The following PCDH9 variants were observed in gnomAD, a reference collection of about 807,000 sequenced individuals.
PCDH9 encodes protocadherin-9.
In PCDH9, 24 loss-of-function variants were observed where a neutral mutation model predicts 70.6. The observed-to-expected ratio is 0.34, with a 90% confidence interval of 0.25 to 0.48. The LOEUF (loss-of-function observed/expected upper bound fraction) is 0.48, where lower values mean the gene tolerates loss of function less well. PCDH9 is among the 20% of genes least tolerant of loss of function. PCDH9 has a pLI of 0.99. For missense variants in PCDH9, 1,281 were observed against 1,503.6 expected, an observed-to-expected ratio of 0.85 and a Z score of 2.45; for synonymous variants, 562 against 558.5, an observed-to-expected ratio of 1.01 and a Z score of -0.09.
chr13:67,027,028 T>A (rs1432918277), intron 2 of PCDH9, among the ~76,000 whole-genome samples: 1 of 152,148 alleles, frequency 6.6e-6, no homozygotes, highest in African/African-American at 2.4e-5. Flanking sequence ...CCCATCAAGC[T>A]ACCAATGAGT....
At chr13:66,571,521 C>CTT in intron 4 of PCDH9, among the ~76,000 whole-genome samples, 1 of 148,350 alleles carries the variant, frequency 6.7e-6, no homozygotes, top group East Asian at 2.0e-4. Context: ...CACTAATGTT[C>CTT]TTTTTTTTTT....
chr13:67,034,431 G>C (rs541565057), intron 2 of PCDH9, among the ~76,000 whole-genome samples: 1 of 152,042 alleles, frequency 6.6e-6, no homozygotes, highest in African/African-American at 2.4e-5. Context: ...TCATGCCTAC[G>C]CCATTCATAC....
At position 67,228,057 on chromosome 13, in the gene PCDH9, T is replaced by G. The variant is rs760997936; in HGVS notation, c.384A>C (p.Ile128=). Reference sequence around the variant, plus strand: ...CATTGGTATCCTTGACAATTATTTTTATTTTGATCAGCCTGAAGAAATCAT... The same window carrying G: ...CATTGGTATCCTTGACAATTATTTTGATTTTGATCAGCCTGAAGAAATCAT... The part of the protein sequence containing the change: ...LPNDFFRLIK[I]KIIVKDTNDN... Residue 128 remains isoleucine, a synonymous_variant, in exon 2 of 5, where the codon ATA becomes ATC. Coordinates refer to ENST00000377865, the MANE Select transcript of PCDH9 (RefSeq NM_203487.3). The G allele has an allele frequency of 3.1e-6, 5 of 1,613,734 alleles. No homozygotes were observed. The highest frequency in any genetic ancestry group is 4.5e-5 in the East Asian group (2 of 44,882).
intron 2 of PCDH9, among the ~76,000 whole-genome samples, chr13:66,992,552 G>A (rs1213061944): frequency 2.6e-5 from 4 of 151,980 alleles, no homozygotes; most frequent in Non-Finnish European, 2.9e-5. Context: ...GTTGGAAGAC[G>A]AGCTCTTTTA....
intron 3 of PCDH9, among the ~76,000 whole-genome samples, chr13:66,634,415 A>G (rs2077611438): frequency 6.6e-6 from 1 of 152,186 alleles, no homozygotes; most frequent in African/African-American, 2.4e-5. Flanking sequence ...ACATGCAGAA[A>G]AACAAAGACC....
At chr13:67,217,803 G>A (rs1401465349) in intron 2 of PCDH9, 2 of 151,978 alleles carry the variant, frequency 1.3e-5, no homozygotes, top group African/African-American at 2.4e-5. Context: ...ACACAATTGA[G>A]AGTTTCTTCT....
At chr13:66,614,934 CT>C (rs1376152077) in intron 4 of PCDH9, among the ~76,000 whole-genome samples, 1 of 152,104 alleles carries the variant, frequency 6.6e-6, no homozygotes, top group Non-Finnish European at 1.5e-5. Flanking sequence ...CAACTTAGAA[CT>C]TTTTAAAAGA....
chr13:66,954,292 T>C (rs184980074), intron 2 of PCDH9, among the ~76,000 whole-genome samples: 15 of 152,358 alleles, frequency 9.8e-5, no homozygotes, highest in East Asian at 3.9e-4. Context: ...ATTGTACTTA[T>C]ATAATCTCAC....
intron 2 of PCDH9, among the ~76,000 whole-genome samples, chr13:66,958,347 AAAG>A (rs1340214158): frequency 6.6e-6 from 1 of 152,228 alleles, no homozygotes; most frequent in East Asian, 1.9e-4. Context: ...AATAAAATCT[AAAG>A]AAGTAGAGAT....
At chr13:66,907,033 C>T (rs574195030) in intron 2 of PCDH9, among the ~76,000 whole-genome samples, 2 of 151,904 alleles carry the variant, frequency 1.3e-5, no homozygotes, top group African/African-American at 4.8e-5. Context: ...TGGCAAAACC[C>T]CGTCTACTGA....
intron 2 of PCDH9, among the ~76,000 whole-genome samples, chr13:66,967,899 C>T (rs2083456641): frequency 6.6e-6 from 1 of 151,942 alleles, no homozygotes; most frequent in Admixed American, 6.6e-5. Context: ...AGCCCTGGTA[C>T]CTGGCATGTA....
At chr13:66,524,055 G>A (rs1019203461) in intron 4 of PCDH9, among the ~76,000 whole-genome samples, 3 of 152,084 alleles carry the variant, frequency 2.0e-5, no homozygotes, top group South Asian at 2.1e-4. Context: ...ATGGAGAAGT[G>A]AGGGAAATAA....
chr13:66,358,398 T>C (rs777722722), intron 4 of PCDH9, among the ~76,000 whole-genome samples: 5 of 151,862 alleles, frequency 3.3e-5, no homozygotes, highest in Non-Finnish European at 7.4e-5. Context: ...TACATCAAAA[T>C]AAGAGGGAAA....
At chr13:66,931,728 T>C (rs2082812719) in intron 2 of PCDH9, among the ~76,000 whole-genome samples, 2 of 152,144 alleles carry the variant, frequency 1.3e-5, no homozygotes, top group African/African-American at 4.8e-5. Context: ...CCTCAACACC[T>C]GATATCATCA....
intron 3 of PCDH9, among the ~76,000 whole-genome samples, chr13:66,654,875 ATTTTTG>A (rs5804286): frequency 0.98 from 146,802 of 150,474 alleles, 71,723 homozygotes; most frequent in Non-Finnish European, 1. Flanking sequence ...TGCTCAGGTA[ATTTTTG>A]TTTTTGTTTT....
chr13:66,341,769 A>C (rs7996220), intron 4 of PCDH9, among the ~76,000 whole-genome samples: 1 of 152,072 alleles, frequency 6.6e-6, no homozygotes, highest in Admixed American at 6.6e-5. Context: ...ACTTTTGTAT[A>C]GCAATGGGCA....
At chr13:66,383,635 T>C (rs1203955352) in intron 4 of PCDH9, among the ~76,000 whole-genome samples, 1 of 152,220 alleles carries the variant, frequency 6.6e-6, no homozygotes, top group African/African-American at 2.4e-5. Context: ...GTTTCATTGA[T>C]GAGCTAAAAT....
At chr13:66,962,178 G>C (rs1346315562) in intron 2 of PCDH9, among the ~76,000 whole-genome samples, 1 of 152,178 alleles carries the variant, frequency 6.6e-6, no homozygotes, top group Admixed American at 6.5e-5. Flanking sequence ...ATTGGAGAGA[G>C]GGATAAGGAA....
rs527323876 is a variant in PCDH9, at chr13:66,634,497, G to A, written c.3139-3086C>T. Among the ~76,000 whole-genome samples, 4 of 152,236 alleles carry A rather than the reference G, an allele frequency of 2.6e-5. No homozygotes were observed. In the South Asian group the frequency reaches 8.3e-4, roughly 32 times the overall value. On this transcript the variant is annotated intron_variant, in intron 3 of 4. Coordinates refer to ENST00000377865, the MANE Select transcript of PCDH9 (RefSeq NM_203487.3). ...TAGTACTTGCTCAGGTTGAACTGCA[G>A]AGCACCAATTTAAAAAGAAGCCAGA...
Sources: allele counts gnomAD v4.1 joint callset (sites outside exome capture counted in the v4.1 genomes callset), GRCh38; gene constraint gnomAD v4.1.1; transcripts MANE v1.5; gene names NCBI Gene and HGNC (gene_info 2026-07-23, HGNC 2026-07-21).